Variants in ALCAM observed in about 807,000 individuals in gnomAD.
ALCAM encodes CD166 antigen.
In ALCAM, 30 loss-of-function variants were observed where a neutral mutation model predicts 70.9. The observed-to-expected ratio is 0.42, with a 90% CI of 0.32 to 0.57. ALCAM has a LOEUF of 0.57. Ranked by LOEUF, ALCAM falls within the 20% of genes least tolerant of loss-of-function variation. The pLI is 0.11. For synonymous variants in ALCAM, 249 were observed against 242.5 expected (o/e 1.03, Z -0.25); for missense variants, 591 against 695.1 (o/e 0.85, Z 1.68).
chr3:105,435,127 C>T (rs1212948713), intron 1 of ALCAM, among the ~76,000 whole-genome samples: 1 of 152,140 alleles, frequency 6.6e-6, no homozygotes, highest in Non-Finnish European at 1.5e-5. Flanking sequence ...TTTTAGGCTT[C>T]TATATGATTT....
rs1576225563 is a variant in ALCAM, at chr3:105,532,038, T to C, written c.431T>C (p.Leu144Pro). ...AAACCTGAAATTGTAAGCAAAGCAC[T>C]GTTTCTCGAAACAGAGCAGCTAAAA... is the stretch of plus-strand genomic sequence containing the variant. Reference protein sequence around the residue: ...PSKPEIVSKALFLETEQLKKL... With the variant: ...PSKPEIVSKAPFLETEQLKKL... Residue 144 changes from leucine (L) to proline (P), a missense_variant, in exon 4 of 16, where the codon CTG becomes CCG. Physicochemically the swap from Leu to Pro is moderately conservative, Grantham distance 98. Around this residue, in one of 2 missense-constraint regions of ALCAM, gnomAD observed 427 missense variants for 450.4 expected, o/e 0.95. Coordinates refer to ENST00000306107, the MANE Select transcript of ALCAM (RefSeq NM_001627.4). 3 of 1,613,526 alleles carry C rather than the reference T, an allele frequency of 1.9e-6. No homozygotes were observed. Among genetic ancestry groups the C allele is most frequent in the East Asian group, 4.5e-5 (2 of 44,848 alleles).
chr3:105,374,821 T>A (rs1366129682), intron 1 of ALCAM, among the ~76,000 whole-genome samples: 4 of 152,132 alleles, frequency 2.6e-5, no homozygotes, highest in Admixed American at 2.6e-4. Context: ...CCGAGCCCAA[T>A]GTGACTTCTT....
At chr3:105,396,331 T>A (rs1935950388) in intron 1 of ALCAM, among the ~76,000 whole-genome samples, 1 of 151,898 alleles carries the variant, frequency 6.6e-6, no homozygotes, top group Non-Finnish European at 1.5e-5. Flanking sequence ...GGTATGATCT[T>A]CCTGAGAATC....
At chr3:105,368,577 A>G (rs565134960) in intron 1 of ALCAM, among the ~76,000 whole-genome samples, 1 of 152,152 alleles carries the variant, frequency 6.6e-6, no homozygotes, top group Non-Finnish European at 1.5e-5. Flanking sequence ...CTTTTATCAA[A>G]GAAAAATCTC....
chr3:105,369,680 C>G (rs577285672), intron 1 of ALCAM, among the ~76,000 whole-genome samples: 1 of 152,252 alleles, frequency 6.6e-6, no homozygotes, highest in South Asian at 2.1e-4. Flanking sequence ...AACTGCCTTC[C>G]CTGCCGGCCA....
intron 1 of ALCAM, among the ~76,000 whole-genome samples, chr3:105,435,142 C>T (rs1285015440): frequency 6.6e-6 from 1 of 152,176 alleles, no homozygotes; most frequent in East Asian, 1.9e-4. Context: ...TGATTTAATA[C>T]ATGATCACTT....
chr3:105,521,518 G>A (rs962460966), intron 2 of ALCAM, among the ~76,000 whole-genome samples: 2 of 152,094 alleles, frequency 1.3e-5, no homozygotes, highest in Non-Finnish European at 2.9e-5. Context: ...TCAAGGGGTG[G>A]TTTAACACAG....
intron 1 of ALCAM, among the ~76,000 whole-genome samples, chr3:105,381,416 G>T (rs183281007): frequency 6.1e-4 from 92 of 151,906 alleles, no homozygotes; most frequent in South Asian, 4.6e-3. Flanking sequence ...ATGTTTTTAT[G>T]GGGCGTAACC....
chr3:105,517,634 T>C (rs996285412), intron 1 of ALCAM, among the ~76,000 whole-genome samples: 3 of 152,158 alleles, frequency 2.0e-5, no homozygotes, highest in African/African-American at 4.8e-5. Context: ...GAAAATGTTC[T>C]CTCTTGTCAT....
At chr3:105,553,580 G>A (rs1940459256) in intron 14 of ALCAM, among the ~76,000 whole-genome samples, 1 of 151,662 alleles carries the variant, frequency 6.6e-6, no homozygotes, top group South Asian at 2.1e-4. Context: ...TTTAAATCAG[G>A]ACCCATGATC....
intron 1 of ALCAM, among the ~76,000 whole-genome samples, chr3:105,443,510 A>G (rs533537887): frequency 6.6e-6 from 1 of 152,368 alleles, no homozygotes; most frequent in African/African-American, 2.4e-5. Flanking sequence ...TAAGAGATAT[A>G]CAATAGAATT....
At chr3:105,450,743 C>T (rs533572014) in intron 1 of ALCAM, among the ~76,000 whole-genome samples, 8 of 151,862 alleles carry the variant, frequency 5.3e-5, no homozygotes, top group African/African-American at 1.5e-4. Flanking sequence ...GTAGAGAAAA[C>T]GAAGAAAACA....
At chr3:105,551,801 C>T (rs1940414266) in intron 12 of ALCAM, among the ~76,000 whole-genome samples, 1 of 151,206 alleles carries the variant, frequency 6.6e-6, no homozygotes. Flanking sequence ...CTGTAGACTT[C>T]CTAGGTGCCG....
rs1208513045 is a variant in ALCAM, at chr3:105,563,625, T to G, written c.1665-8227T>G. ...TGAATGTTTCCCTGTGGTTTCTTCC[T>G]TGAAGTCAAGTGACTAGACCTGTAT... is the stretch of plus-strand genomic sequence containing the variant. On this transcript the variant is annotated intron_variant, in intron 14 of 15. Transcript: ENST00000306107. Among the ~76,000 whole-genome samples the G allele has an allele frequency of 4.0e-5, 6 of 150,442 alleles. No individual in the cohort carries two copies. In the East Asian group the frequency reaches 1.2e-3, roughly 29 times the overall value.
At chr3:105,543,949 C>T (rs935252281) in intron 8 of ALCAM, among the ~76,000 whole-genome samples, 1 of 151,600 alleles carries the variant, frequency 6.6e-6, no homozygotes, top group Non-Finnish European at 1.5e-5. Flanking sequence ...ATGTCTCAGC[C>T]ACTGTGGATA....
chr3:105,542,193 G>T (rs1034814363), intron 8 of ALCAM, among the ~76,000 whole-genome samples: 7 of 151,818 alleles, frequency 4.6e-5, no homozygotes, highest in African/African-American at 1.7e-4. Flanking sequence ...AGTTACTACA[G>T]ACTCAGTTTT....
chr3:105,563,667 C>CCTTTTT (rs1940677953), intron 14 of ALCAM, among the ~76,000 whole-genome samples: 1 of 52,034 alleles, frequency 1.9e-5, no homozygotes, highest in Middle Eastern at 0.021. Flanking sequence ...CCAAGCATTT[C>CCTTTTT]TTTTTTTTTT....
intron 1 of ALCAM, among the ~76,000 whole-genome samples, chr3:105,501,272 G>T (rs1938912514): frequency 6.6e-6 from 1 of 152,160 alleles, no homozygotes; most frequent in Non-Finnish European, 1.5e-5. Context: ...GTTTGGGGTG[G>T]GGCTGTTTAG....
intron 3 of ALCAM, among the ~76,000 whole-genome samples, chr3:105,528,690 G>A (rs1051162353): frequency 6.6e-6 from 1 of 152,084 alleles, no homozygotes; most frequent in Non-Finnish European, 1.5e-5. Flanking sequence ...GAGAACACAT[G>A]GGCACATAGA....
Sources: gnomAD v4.1 joint callset for allele counts (sites outside exome capture counted in the v4.1 genomes callset) on GRCh38, gnomAD v4.1.1 for gene constraint, gnomAD v4.1.1 regional missense constraint, MANE v1.5 for transcripts, NCBI Gene and HGNC (gene_info 2026-07-23, HGNC 2026-07-21) for gene names.